ARHGEF3: variants seen among roughly 807,000 people sequenced by gnomAD.
ARHGEF3 encodes Rho guanine nucleotide exchange factor 3.
Under a neutral mutation model 63.2 loss-of-function variants are expected in ARHGEF3, and 28 were observed. That is an observed-to-expected ratio of 0.44 (90% confidence interval 0.33 to 0.61). The LOEUF (loss-of-function observed/expected upper bound fraction) is 0.61. Among genes scored for constraint, ARHGEF3 ranks in the 20% least tolerant of loss-of-function variants. The probability of loss-of-function intolerance (pLI) is 0.03; values close to 1 mark genes in which losing one functional copy is unlikely to be tolerated. For missense variants in ARHGEF3, 533 were observed against 659.3 expected, an observed-to-expected ratio of 0.81 and a Z score of 2.10; for synonymous variants, 266 against 254.2, an observed-to-expected ratio of 1.05 and a Z score of -0.44.
At chr3:57,001,456 C>G (rs147938491) in intron 2 of ARHGEF3, among the ~76,000 whole-genome samples, 3 of 152,216 alleles carry the variant, frequency 2.0e-5, no homozygotes, top group African/African-American at 7.2e-5. Flanking sequence ...TAGGGAATCA[C>G]GACAGATGCT....
intron 7 of ARHGEF3, among the ~76,000 whole-genome samples, chr3:56,741,398 G>A (rs1273854918): frequency 6.6e-6 from 1 of 150,746 alleles, no homozygotes; most frequent in East Asian, 2.0e-4. Flanking sequence ...TGGTCAGGCT[G>A]GTCTCGAACT....
chr3:56,785,356 C>T (rs994547563), intron 1 of ARHGEF3, among the ~76,000 whole-genome samples: 3 of 152,128 alleles, frequency 2.0e-5, no homozygotes, highest in Non-Finnish European at 4.4e-5. Flanking sequence ...AAGTCCTAAT[C>T]TTGGGTCCTT....
At chr3:56,745,608 CT>C in intron 6 of ARHGEF3, 146 bp from the exon 7 acceptor site, 2 of 945,172 alleles carry the variant, frequency 2.1e-6, no homozygotes, top group Non-Finnish European at 1.5e-6. Context: ...CTGGAGGAAA[CT>C]AGTGGAATCT....
chr3:57,010,133 T>G (rs1360374333), intron 2 of ARHGEF3, among the ~76,000 whole-genome samples: 1 of 152,124 alleles, frequency 6.6e-6, no homozygotes, highest in African/African-American at 2.4e-5. Context: ...GGGACACACC[T>G]TGTCTTCTAT....
intron 3 of ARHGEF3, among the ~76,000 whole-genome samples, chr3:56,891,021 A>G (rs1249637381): frequency 1.3e-5 from 2 of 152,122 alleles, no homozygotes; most frequent in South Asian, 2.1e-4. Context: ...AAGATTAGCA[A>G]AAGGATTTTG....
intron 3 of ARHGEF3, among the ~76,000 whole-genome samples, chr3:56,885,917 G>A (rs565684360): frequency 2.0e-5 from 3 of 152,174 alleles, no homozygotes; most frequent in South Asian, 2.1e-4. Flanking sequence ...GGCTCAGAAC[G>A]AAAATTTCAC....
chr3:56,969,752 C>CA lies in ARHGEF3; in HGVS notation c.63-10864dup, dbSNP rs138504813. 2.9e-3 allele frequency among the ~76,000 whole-genome samples: 383 copies of CA among 134,228 alleles called. 6 individuals carry two copies. The highest frequency in any genetic ancestry group is 3.7e-3 in the Middle Eastern group (1 of 268). 88.1% of individuals were successfully genotyped at this position (134,228 alleles called of 152,430 possible). The stretch of plus-strand genomic sequence containing the variant: ...TCGGTGACAGAGTGAGACTCCGTAT[C>CA]AAAAAAAAAAAAGAAAGAAAAAGAA... On this transcript the variant is annotated intron_variant, in intron 2 of 12. Coordinates refer to the ARHGEF3 transcript ENST00000338458.
intron 3 of ARHGEF3, among the ~76,000 whole-genome samples, chr3:56,948,169 G>C (rs950548349): frequency 7.9e-5 from 12 of 152,036 alleles, no homozygotes; most frequent in Non-Finnish European, 1.3e-4. Context: ...GCCCACAAGA[G>C]AAAGCAGGAA....
At chr3:56,758,366 G>C (rs1450903489) in intron 2 of ARHGEF3, among the ~76,000 whole-genome samples, 1 of 151,882 alleles carries the variant, frequency 6.6e-6, no homozygotes, top group Non-Finnish European at 1.5e-5. Context: ...AAGGCAGGCG[G>C]ATGGCTTGAG....
At chr3:56,891,094 G>T (rs779688596) in intron 3 of ARHGEF3, among the ~76,000 whole-genome samples, 1 of 151,542 alleles carries the variant, frequency 6.6e-6, no homozygotes, top group Non-Finnish European at 1.5e-5. Flanking sequence ...GCAGGGAGAG[G>T]ATCCACATTT....
At chr3:56,965,672 G>A (rs1214199504) in intron 2 of ARHGEF3, among the ~76,000 whole-genome samples, 3 of 137,082 alleles carry the variant, frequency 2.2e-5, no homozygotes, top group East Asian at 2.1e-4. Flanking sequence ...TTTTTGAAAC[G>A]GAGTCTCGCT....
At chr3:56,775,064 T>G (rs570699028) in intron 1 of ARHGEF3, 2 of 1,551,264 alleles carry the variant, frequency 1.3e-6, no homozygotes, top group Non-Finnish European at 1.7e-6. Flanking sequence ...GATACCAAAT[T>G]TTGATGGGCA....
intron 2 of ARHGEF3, among the ~76,000 whole-genome samples, chr3:56,983,998 C>T (rs1353282950): frequency 2.2e-5 from 2 of 90,970 alleles, no homozygotes; most frequent in African/African-American, 7.4e-5. Context: ...CCACACTGTA[C>T]AGTCCCTCAG....
chr3:56,988,110 G>A (rs1179899669), intron 2 of ARHGEF3, among the ~76,000 whole-genome samples: 3 of 152,126 alleles, frequency 2.0e-5, no homozygotes, highest in African/African-American at 7.2e-5. Context: ...GGGACTTTAA[G>A]AGGGTTGTTT....
chr3:56,914,447 A>T (rs2041933775), intron 3 of ARHGEF3, among the ~76,000 whole-genome samples: 1 of 152,212 alleles, frequency 6.6e-6, no homozygotes, highest in African/African-American at 2.4e-5. Flanking sequence ...AAAACTGTTT[A>T]ATGTGGGGCA....
intron 1 of ARHGEF3, chr3:56,775,477 G>A: frequency 4.0e-6 from 4 of 999,642 alleles, no homozygotes; most frequent in Non-Finnish European, 4.8e-6. Context: ...GACGGAGAAT[G>A]CAACCAGGCT....
chr3:57,078,752 C>G (rs1389559571), intron 1 of ARHGEF3: 1 of 152,642 alleles, frequency 6.6e-6, no homozygotes, highest in Non-Finnish European at 1.5e-5. Flanking sequence ...CCCTGTGAGC[C>G]GCCACCAGCA....
intron 4 of ARHGEF3, among the ~76,000 whole-genome samples, chr3:56,850,498 C>T (rs1234330259): frequency 6.6e-6 from 1 of 152,224 alleles, no homozygotes; most frequent in Admixed American, 6.5e-5. Flanking sequence ...CACTGTACTG[C>T]AGCCTGGGTG....
intron 4 of ARHGEF3, among the ~76,000 whole-genome samples, chr3:56,880,205 G>A (rs1193445051): frequency 6.6e-6 from 1 of 152,220 alleles, no homozygotes; most frequent in East Asian, 1.9e-4. Flanking sequence ...GTCCAAAGCT[G>A]AGTCCCTAAG....
Sources: allele counts gnomAD v4.1 joint callset (sites outside exome capture counted in the v4.1 genomes callset), GRCh38; gene constraint gnomAD v4.1.1; transcripts MANE v1.5; gene names NCBI Gene and HGNC (gene_info 2026-07-23, HGNC 2026-07-21).